The following ATP6V0E1 variants were observed in gnomAD, a reference collection of about 807,000 sequenced individuals.
ATP6V0E1 encodes V-type proton ATPase subunit e 1.
A neutral mutation model predicts 11.6 loss-of-function variants in ATP6V0E1; 4 were observed. The ratio of observed to expected loss-of-function variants is 0.35; its 90% CI spans 0.17 to 0.79. The LOEUF (loss-of-function observed/expected upper bound fraction) is 0.79. Among genes scored for constraint, ATP6V0E1 ranks in the 30% least tolerant of loss-of-function variants. The probability of loss-of-function intolerance (pLI) is 0.54; values close to 1 mark genes in which losing one functional copy is unlikely to be tolerated. For synonymous variants in ATP6V0E1, 36 were observed against 34.8 expected, an observed-to-expected ratio of 1.04 and a Z score of -0.13; for missense variants, 105 against 100.0, an observed-to-expected ratio of 1.05 and a Z score of -0.21.
chr5:172,999,141 A>G (rs574023193), intron 2 of ATP6V0E1, among the ~76,000 whole-genome samples: 6 of 152,296 alleles, frequency 3.9e-5, no homozygotes, highest in Non-Finnish European at 7.4e-5. Flanking sequence ...AGGAGGGAAA[A>G]AAAAGGGGGT....
chr5:173,029,133 T>G (rs1241116416), intron 3 of ATP6V0E1, among the ~76,000 whole-genome samples: 1 of 152,192 alleles, frequency 6.6e-6, no homozygotes, highest in Non-Finnish European at 1.5e-5. Flanking sequence ...CCTAAAATAC[T>G]TGAGTGCTTG....
chr5:172,997,728 G>T (rs907018958), intron 2 of ATP6V0E1, among the ~76,000 whole-genome samples: 2 of 151,904 alleles, frequency 1.3e-5, no homozygotes, highest in African/African-American at 4.8e-5. Context: ...CAGGAGAATG[G>T]CGTGAACCCC....
intron 2 of ATP6V0E1, among the ~76,000 whole-genome samples, chr5:172,999,320 C>T (rs1241277236): frequency 2.0e-5 from 3 of 151,794 alleles, no homozygotes; most frequent in Non-Finnish European, 2.9e-5. Flanking sequence ...CTTGTATTTC[C>T]ACTTTTTTTT....
chr5:172,998,070 A>G (rs1442488500), intron 2 of ATP6V0E1, among the ~76,000 whole-genome samples: 1 of 151,906 alleles, frequency 6.6e-6, no homozygotes, highest in Non-Finnish European at 1.5e-5. Flanking sequence ...TCATTGCGGC[A>G]GTGCATTCCA....
chr5:172,994,700 G>T, intron 1 of ATP6V0E1, 75 bp from the exon 2 acceptor site: 1 of 1,200,500 alleles, frequency 8.3e-7, no homozygotes, highest in South Asian at 1.4e-5. Context: ...TCTGGAAAGG[G>T]GACTTAAACC....
intron 2 of ATP6V0E1, among the ~76,000 whole-genome samples, chr5:173,020,014 C>G (rs182159003): frequency 6.6e-6 from 1 of 152,280 alleles, no homozygotes; most frequent in Admixed American, 6.5e-5. Flanking sequence ...CTTACTGTGA[C>G]AAAGCCTCAC....
At chr5:172,985,069 A>AC (rs763317974) in intron 1 of ATP6V0E1, among the ~76,000 whole-genome samples, 62 of 152,026 alleles carry the variant, frequency 4.1e-4, no homozygotes, top group East Asian at 5.8e-4. Context: ...ACACGGTGAA[A>AC]CCCGTCTCTA....
At chr5:173,012,404 G>A (rs1057153914) in intron 2 of ATP6V0E1, among the ~76,000 whole-genome samples, 6 of 151,918 alleles carry the variant, frequency 3.9e-5, no homozygotes, top group African/African-American at 1.5e-4. Context: ...ATACAGAAGA[G>A]TGAAATTGAA....
At chr5:173,025,092 C>T (rs1354965460) in intron 3 of ATP6V0E1, among the ~76,000 whole-genome samples, 3 of 150,008 alleles carry the variant, frequency 2.0e-5, no homozygotes, top group Admixed American at 2.0e-4. Flanking sequence ...CCACCCACCT[C>T]AGCCTCCCAA....
intron 2 of ATP6V0E1, among the ~76,000 whole-genome samples, chr5:172,997,340 A>G (rs1042216572): frequency 6.6e-6 from 1 of 152,236 alleles, no homozygotes; most frequent in Admixed American, 6.5e-5. Context: ...CGATGAATGA[A>G]ATATACCAAA....
intron 1 of ATP6V0E1, among the ~76,000 whole-genome samples, chr5:172,985,730 A>G (rs1343612205): frequency 6.6e-6 from 1 of 152,220 alleles, no homozygotes; most frequent in Non-Finnish European, 1.5e-5. Flanking sequence ...TATCCAGGGT[A>G]ATGAAACCCA....
At position 172,993,679 on chromosome 5, in the gene ATP6V0E1, A is replaced by ACCC. The variant is rs35327427; in HGVS notation, c.105-1087_105-1085dup. Among the ~76,000 whole-genome samples the ACCC allele has an allele frequency of 1.7e-3, 137 of 79,378 alleles. 2 individuals carry two copies. In the South Asian group the frequency reaches 0.019, roughly 11 times the overall value. The allele number at this position is 79,378 out of a possible 152,430, so 52.1% of individuals were successfully genotyped here. A position where few individuals can be genotyped will look rare whatever the true frequency, so the allele number is the denominator to read the frequency against. On this transcript the variant is annotated intron_variant, in intron 1 of 3. Transcript: ENST00000519374. ...AGTACAACCTGGTCAACATATTGAG[A>ACCC]CCCCCCCCCCCGACCCCACCTCTCC...
rs1169961194 is a variant in ATP6V0E1, at chr5:173,009,465, T to TC, written c.153-10773_153-10772insC. Among the ~76,000 whole-genome samples the TC allele has an allele frequency of 5.0e-3, 728 of 145,144 alleles. 9 individuals carry two copies. The highest frequency in any genetic ancestry group is 0.018 in the African/African-American group (692 of 39,066). ...CAGGATAGCCACTTCCCTTTTTTTTTTTTTTTTTTTTTTTGAGACAGAGTC... is the reference window on the plus strand; with the variant it reads ...CAGGATAGCCACTTCCCTTTTTTTTTCTTTTTTTTTTTTTTGAGACAGAGTC... On this transcript the variant is annotated intron_variant, in intron 2 of 3. Transcript: ENST00000519374.
At chr5:173,010,483 G>A (rs1756304806) in intron 2 of ATP6V0E1, among the ~76,000 whole-genome samples, 1 of 152,196 alleles carries the variant, frequency 6.6e-6, no homozygotes, top group Non-Finnish European at 1.5e-5. Flanking sequence ...GCTTGGGGTT[G>A]TAAGGACATT....
chr5:173,014,694 G>A (rs921717328), intron 2 of ATP6V0E1, among the ~76,000 whole-genome samples: 3 of 152,122 alleles, frequency 2.0e-5, no homozygotes, highest in African/African-American at 7.2e-5. Flanking sequence ...ATGAAGAGTA[G>A]AATGATAGAT....
At chr5:173,023,531 G>A (rs1201889687) in intron 3 of ATP6V0E1, among the ~76,000 whole-genome samples, 1 of 152,222 alleles carries the variant, frequency 6.6e-6, no homozygotes, top group East Asian at 1.9e-4. Flanking sequence ...TGCATTTGAT[G>A]AGCTGAAATG....
rs986389369 is a variant in ATP6V0E1 at position 172,993,191 on chromosome 5, G to A, written c.105-1584G>A. On this transcript the variant is annotated intron_variant, in intron 1 of 3. Transcript: ENST00000519374. ...TTCAGTGAGTGAAAATCTGTTGAACGAGTAAATGAATGTGCCAATATATTA... is the reference window on the plus strand; with the variant it reads ...TTCAGTGAGTGAAAATCTGTTGAACAAGTAAATGAATGTGCCAATATATTA... 6.6e-5 allele frequency among the ~76,000 whole-genome samples: 10 copies of A among 152,240 alleles called. No individual in the cohort carries two copies. The East Asian group carries it at 1.4e-3, about 21-fold the overall frequency.
chr5:172,998,481 C>T (rs191501365), intron 2 of ATP6V0E1, among the ~76,000 whole-genome samples: 12 of 151,874 alleles, frequency 7.9e-5, no homozygotes, highest in African/African-American at 2.7e-4. Context: ...CGTGATGGTA[C>T]GCACCTGTAG....
At position 173,034,677 on chromosome 5, in the gene ATP6V0E1, G is replaced by A; in HGVS notation, c.*315G>A. 1.9e-6 allele frequency: 1 copy of A among 514,438 alleles called. No homozygotes were observed. The highest frequency in any genetic ancestry group is 2.6e-5 in the South Asian group (1 of 39,012). The allele number at this position is 514,438 out of a possible 1,614,324, so 31.9% of individuals were successfully genotyped here. A position where few individuals can be genotyped will look rare whatever the true frequency, so the allele number is the denominator to read the frequency against. On this transcript the variant is annotated 3_prime_UTR_variant, in exon 4 of 4. Transcript: ENST00000519374. ...ATACGTTACTCTCTCCTTGGAATCT[G>A]TGGATTTGAAGATGGCTCCTGCCTT...
Sources: gnomAD v4.1 joint callset for allele counts (sites outside exome capture counted in the v4.1 genomes callset) on GRCh38, gnomAD v4.1.1 for gene constraint, MANE v1.5 for transcripts, NCBI Gene and HGNC (gene_info 2026-07-23, HGNC 2026-07-21) for gene names.